APBA1: variants seen among roughly 807,000 people sequenced by gnomAD.
The protein encoded by APBA1 is amyloid beta precursor protein binding family A member 1, also known as amyloid-beta A4 precursor protein-binding family A member 1.
A neutral mutation model predicts 86.6 loss-of-function variants in APBA1; 55 were observed. The ratio of observed to expected loss-of-function variants is 0.64; its 90% CI spans 0.51 to 0.80. The LOEUF (loss-of-function observed/expected upper bound fraction) is 0.80, where lower values mean the gene tolerates loss of function less well. APBA1 is among the 30% of genes least tolerant of loss of function. The pLI is 0.00. For missense variants in APBA1, 1,090 were observed against 1,183.0 expected (o/e 0.92, Z 1.15); for synonymous variants, 511 against 493.9 (o/e 1.03, Z -0.46).
chr9:69,601,788 T>C (rs141134803), intron 1 of APBA1, among the ~76,000 whole-genome samples: 3 of 152,330 alleles, frequency 2.0e-5, no homozygotes, highest in African/African-American at 7.2e-5. Context: ...ACAATCTCAA[T>C]AGACAGGAAC....
At position 69,516,975 on chromosome 9, in the gene APBA1, G is replaced by C; in HGVS notation, c.236C>G (p.Ala79Gly). Residue 79 changes from alanine (A) to glycine (G), a missense_variant, in exon 2 of 13, where the codon GCC becomes GGC. This residue lies in a region of APBA1 where 678 missense variants were observed against 647.1 expected (regional missense o/e 1.05). Coordinates refer to ENST00000265381, the MANE Select transcript of APBA1 (RefSeq NM_001163.4). The surrounding 1 kb of genome is among the most constrained non-coding windows in gnomAD (Gnocchi z 7.3). ...EERGECLARS[A>G]STESGFHNHT... ...GTTGTGGAAGCCGCTCTCCGTGCTG[G>C]CTGAGCGCGCCAGGCATTCCCCGCG... The C allele has an allele frequency of 6.3e-7, 1 of 1,588,510 alleles. No individual in the cohort carries two copies. The highest frequency in any genetic ancestry group is 8.5e-7 in the Non-Finnish European group (1 of 1,174,416).
rs970108271 is a variant in APBA1 at position 69,516,536 on chromosome 9, C to T, written c.675G>A (p.Ala225=). 10 of 1,594,624 alleles carry T rather than the reference C, an allele frequency of 6.3e-6. No homozygotes were observed. Among genetic ancestry groups the T allele is most frequent in the East Asian group, 2.2e-5 (1 of 44,568 alleles). ...LYEQERDEAA[A]YRQEALGARL... ...GCGCGCCCAGGGCCTCCTGGCGGTA[C>T]GCGGCCGCCTCGTCGCGCTCCTGCT... The change falls in exon 2 of 13, where the codon GCG becomes GCA. Residue 225 remains alanine, a synonymous_variant. Transcript: ENST00000265381. The surrounding 1 kb of genome is among the most constrained non-coding windows in gnomAD (Gnocchi z 7.3).
At chr9:69,453,011 T>G (rs896126083) in intron 8 of APBA1, among the ~76,000 whole-genome samples, 2 of 152,242 alleles carry the variant, frequency 1.3e-5, no homozygotes, top group African/African-American at 4.8e-5. Flanking sequence ...GCACACTGCG[T>G]TCTCCTACAT....
chr9:69,661,611 C>T lies in APBA1; in HGVS notation c.-70+10542G>A, dbSNP rs1345028046. On this transcript the variant is annotated intron_variant, in intron 1 of 12. Transcript: ENST00000265381. ...CTATGGTCTGAATGTGGTTCATCCC[C>T]ACAAAATTCATGTTGACATTTAATC... 4.2e-4 allele frequency among the ~76,000 whole-genome samples: 3 copies of T among 7,080 alleles called. No individual in the cohort carries two copies. The Non-Finnish European group carries it at 0.019, about 44-fold the overall frequency. The allele number at this position is 7,080 out of a possible 152,430, so 4.6% of individuals were successfully genotyped here.
At chr9:69,576,691 C>T (rs1821806769) in intron 1 of APBA1, among the ~76,000 whole-genome samples, 1 of 152,086 alleles carries the variant, frequency 6.6e-6, no homozygotes, top group Non-Finnish European at 1.5e-5. Flanking sequence ...GAACATCACA[C>T]ACCGGGGCCT....
chr9:69,623,987 A>C (rs1822878716), intron 1 of APBA1, among the ~76,000 whole-genome samples: 4 of 152,204 alleles, frequency 2.6e-5, no homozygotes, highest in Admixed American at 2.6e-4. Context: ...AGCAACATAA[A>C]ATTTAAAACA....
intron 1 of APBA1, among the ~76,000 whole-genome samples, chr9:69,561,414 T>A (rs1836943683): frequency 6.6e-6 from 1 of 152,204 alleles, no homozygotes; most frequent in Non-Finnish European, 1.5e-5. Context: ...CTAAAAGTGA[T>A]ACCATTGTTA....
intron 1 of APBA1, among the ~76,000 whole-genome samples, chr9:69,560,252 T>C (rs1229129025): frequency 6.6e-6 from 1 of 152,240 alleles, no homozygotes; most frequent in Non-Finnish European, 1.5e-5. Flanking sequence ...TTGATCTTTA[T>C]TATGACTTTT....
At chr9:69,671,503 T>G (rs1033719401) in intron 1 of APBA1, among the ~76,000 whole-genome samples, 1 of 151,894 alleles carries the variant, frequency 6.6e-6, no homozygotes, top group Non-Finnish European at 1.5e-5. Context: ...GTGCTCAGAG[T>G]TGCAGGGTCA....
At chr9:69,625,741 A>T (rs964243259) in intron 1 of APBA1, among the ~76,000 whole-genome samples, 1 of 152,190 alleles carries the variant, frequency 6.6e-6, no homozygotes, top group Admixed American at 6.5e-5. Flanking sequence ...TTAGAAAAGC[A>T]TTACTAAAAT....
rs376916785 is a variant in APBA1, at chr9:69,441,160, A to G, written c.2182-45T>C. On this transcript the variant is annotated intron_variant, in intron 10 of 12. Transcript: ENST00000265381. ...CAGTGGGTATGGTGACCACTGAGGC[A>G]GACAGAATAAACAAAAGCAGGCAGC... The G allele has an allele frequency of 2.5e-6, 4 of 1,583,274 alleles. No homozygotes were observed. The African/African-American group carries it at 5.4e-5, about 21-fold the overall frequency.
intron 1 of APBA1, among the ~76,000 whole-genome samples, chr9:69,608,026 G>A (rs1822511265): frequency 6.6e-6 from 1 of 152,102 alleles, no homozygotes; most frequent in Admixed American, 6.5e-5. Flanking sequence ...CTAACAAGGT[G>A]GCACAGGATG....
chr9:69,503,207 C>T (rs1430963347), intron 2 of APBA1, among the ~76,000 whole-genome samples: 1 of 152,098 alleles, frequency 6.6e-6, no homozygotes. Context: ...GTCAGTGAGT[C>T]ATCTCTAAAG....
Position 69,549,766 on chromosome 9 carries a change from A to C in APBA1, c.-69-32487T>G, listed in dbSNP as rs913773897. Among the ~76,000 whole-genome samples the C allele has an allele frequency of 3.9e-5, 6 of 152,342 alleles. 1 individual carries two copies. Among genetic ancestry groups the C allele is most frequent in the Admixed American group, 3.3e-4 (5 of 15,302 alleles). ...AAACAAATCGTAACTTTTTCAAAAA[A>C]GGAATACTTTGAGGTGGATAGAAAC... On this transcript the variant is annotated intron_variant, in intron 1 of 12. Coordinates refer to ENST00000265381, the MANE Select transcript of APBA1 (RefSeq NM_001163.4).
chr9:69,517,114 C>G lies in APBA1; in HGVS notation c.97G>C (p.Glu33Gln). Residue 33 changes from glutamate (E) to glutamine (Q), a missense_variant, in exon 2 of 13, where the codon GAG becomes CAG. Transcript: ENST00000265381. ...GGCTGCTGCTGTTCCTCTTCCACCT[C>G]GGGGTGCTCCAGGTCGGCCTCCACC... is the stretch of plus-strand genomic sequence containing the variant. ...ESVEADLEHP[E>Q]VEEEQQQPPQ... 1.9e-6 allele frequency: 3 copies of G among 1,575,162 alleles called. No homozygotes were observed. Among genetic ancestry groups the G allele is most frequent in the Non-Finnish European group, 2.6e-6 (3 of 1,163,696 alleles).
rs761007978 is a variant in APBA1, at chr9:69,496,733, C to T, written c.1200+19278G>A. Among the ~76,000 whole-genome samples, 22 of 151,998 alleles carry T rather than the reference C, an allele frequency of 1.4e-4. 1 individual carries two copies. Among genetic ancestry groups the T allele is most frequent in the Non-Finnish European group, 2.5e-4 (17 of 68,024 alleles). On this transcript the variant is annotated intron_variant, in intron 2 of 12. Coordinates refer to ENST00000265381, the MANE Select transcript of APBA1 (RefSeq NM_001163.4). Reference sequence around the variant, plus strand: ...TGGGCATCTCTCAAAACACTTTCTTCCGTCTATTAATTATTTAAAGAGAGA... The same window carrying T: ...TGGGCATCTCTCAAAACACTTTCTTTCGTCTATTAATTATTTAAAGAGAGA...
At chr9:69,454,980 T>C (rs1349886832) in intron 8 of APBA1, among the ~76,000 whole-genome samples, 1 of 152,180 alleles carries the variant, frequency 6.6e-6, no homozygotes, top group Non-Finnish European at 1.5e-5. Flanking sequence ...CCTGTGCTGC[T>C]TTCTAGAGAA....
chr9:69,515,936 G>A lies in APBA1; in HGVS notation c.1200+75C>T, dbSNP rs2133888309. ...CTTCCCGTAAAGTCACTACCCAAGG[G>A]CACACAAGGCCATGGGGCGCCATCT... is the stretch of plus-strand genomic sequence containing the variant. On this transcript the variant is annotated intron_variant, in intron 2 of 12. Transcript: ENST00000265381. 6.3e-6 allele frequency: 9 copies of A among 1,429,668 alleles called. 1 individual carries two copies. The South Asian group carries it at 1.3e-4, about 21-fold the overall frequency. 88.6% of individuals were successfully genotyped at this position (1,429,668 alleles called of 1,614,324 possible).
chr9:69,551,799 T>A (rs1564074964), intron 1 of APBA1, among the ~76,000 whole-genome samples: 1 of 152,208 alleles, frequency 6.6e-6, no homozygotes, highest in Non-Finnish European at 1.5e-5. Flanking sequence ...GCAAAACCTG[T>A]GTACCATGAA....
Sources: gnomAD v4.1 joint callset for allele counts (sites outside exome capture counted in the v4.1 genomes callset) on GRCh38, gnomAD v4.1.1 for gene constraint, gnomAD v4.1.1 regional missense constraint, Gnocchi (gnomAD v3.1) non-coding constraint, MANE v1.5 for transcripts, NCBI Gene and HGNC (gene_info 2026-07-23, HGNC 2026-07-21) for gene names.